The following EHBP1 variants were observed in gnomAD, a reference collection of about 807,000 sequenced individuals.
EHBP1 encodes EH domain-binding protein 1.
Under a neutral mutation model 144.0 loss-of-function variants are expected in EHBP1, and 55 were observed. That is an observed-to-expected ratio of 0.38 (90% confidence interval 0.31 to 0.48). EHBP1 has a LOEUF of 0.48. Among genes scored for constraint, EHBP1 ranks in the 20% least tolerant of loss-of-function variants. The pLI, the probability that EHBP1 is intolerant of heterozygous loss-of-function variation, is 0.98. For missense variants in EHBP1, 1,200 were observed against 1,364.2 expected (o/e 0.88, Z 1.90); for synonymous variants, 469 against 472.7 (o/e 0.99, Z 0.10).
intron 1 of EHBP1, among the ~76,000 whole-genome samples, chr2:62,682,054 T>C (rs750081191): frequency 2.0e-5 from 3 of 152,184 alleles, no homozygotes; most frequent in Non-Finnish European, 4.4e-5. Flanking sequence ...GGGAATACTT[T>C]CTGTAAAAAT....
At chr2:62,812,894 A>G (rs560556976) in intron 5 of EHBP1, among the ~76,000 whole-genome samples, 3 of 152,226 alleles carry the variant, frequency 2.0e-5, no homozygotes, top group Non-Finnish European at 4.4e-5. Context: ...TTGAAGAGTG[A>G]AAAGGCATCT....
At chr2:62,686,504 G>A (rs2033722596) in intron 1 of EHBP1, among the ~76,000 whole-genome samples, 1 of 152,130 alleles carries the variant, frequency 6.6e-6, no homozygotes, top group South Asian at 2.1e-4. Flanking sequence ...CCCACTAAAT[G>A]ATGAATACAT....
intron 7 of EHBP1, among the ~76,000 whole-genome samples, chr2:62,831,657 T>C (rs903594736): frequency 1.3e-5 from 2 of 152,256 alleles, no homozygotes; most frequent in Admixed American, 6.5e-5. Context: ...TACTAAGATG[T>C]TAAGTGGTTA....
chr2:62,930,723 T>C (rs1381309154), intron 10 of EHBP1, among the ~76,000 whole-genome samples: 1 of 152,084 alleles, frequency 6.6e-6, no homozygotes, highest in Non-Finnish European at 1.5e-5. Context: ...CCTCTGCATA[T>C]AATAAGGTCA....
At chr2:62,959,112 A>T (rs1220009117) in intron 14 of EHBP1, among the ~76,000 whole-genome samples, 2 of 152,170 alleles carry the variant, frequency 1.3e-5, no homozygotes, top group East Asian at 3.8e-4. Context: ...GCTTCATATA[A>T]GTGGAATCGC....
chr2:62,942,742 T>C lies in EHBP1; in HGVS notation c.1210T>C (p.Leu404=), dbSNP rs766082909. ...PKPSPIPSPV[L]GRKPNASQSL... ...GCCAAGCCCTATACCAAGTCCTGTTTTGGGGCGAAAGCCAAATGCTAGTCA... is the reference window on the plus strand; with the variant it reads ...GCCAAGCCCTATACCAAGTCCTGTTCTGGGGCGAAAGCCAAATGCTAGTCA... Residue 404 remains leucine, a synonymous_variant, in exon 11 of 23, where the codon TTG becomes CTG. Coordinates refer to ENST00000431489, the MANE Select transcript of EHBP1 (RefSeq NM_001142616.3). 99 of 1,610,068 alleles carry C rather than the reference T, an allele frequency of 6.1e-5. No individual in the cohort carries two copies. The highest frequency in any genetic ancestry group is 8.4e-5 in the Non-Finnish European group (99 of 1,177,550).
intron 5 of EHBP1, among the ~76,000 whole-genome samples, chr2:62,789,441 T>C (rs558266663): frequency 2.4e-4 from 36 of 152,264 alleles, no homozygotes; most frequent in African/African-American, 8.2e-4. Flanking sequence ...TATGTAACAC[T>C]TCTCCACCCA....
intron 5 of EHBP1, among the ~76,000 whole-genome samples, chr2:62,823,460 C>G (rs2046130183): frequency 6.6e-6 from 1 of 152,066 alleles, no homozygotes; most frequent in South Asian, 2.1e-4. Flanking sequence ...TAGTAATTCT[C>G]TCTAAACTCT....
chr2:62,984,195 G>A (rs1028841000), intron 15 of EHBP1, among the ~76,000 whole-genome samples: 3 of 151,996 alleles, frequency 2.0e-5, no homozygotes, highest in African/African-American at 7.3e-5. Context: ...TTCACTTTCT[G>A]TTTAAAAAAT....
At chr2:62,818,480 G>A (rs2045612189) in intron 5 of EHBP1, among the ~76,000 whole-genome samples, 2 of 152,052 alleles carry the variant, frequency 1.3e-5, no homozygotes, top group Admixed American at 1.3e-4. Flanking sequence ...GCTTAGGTGT[G>A]TAGTAGGCTG....
intron 10 of EHBP1, among the ~76,000 whole-genome samples, chr2:62,925,298 G>T (rs1407170018): frequency 6.6e-6 from 1 of 151,850 alleles, no homozygotes; most frequent in Non-Finnish European, 1.5e-5. Context: ...AACAAGACAA[G>T]AGTGTCTACT....
chr2:62,714,429 G>C (rs1454314622), intron 2 of EHBP1, among the ~76,000 whole-genome samples: 1 of 152,142 alleles, frequency 6.6e-6, no homozygotes, highest in Non-Finnish European at 1.5e-5. Context: ...CAGCCTTATA[G>C]AAAGAAACTT....
In EHBP1 at chr2:62,982,348, A is replaced by G. The variant is rs968214751; in HGVS notation, c.2608+3013A>G. On this transcript the variant is annotated intron_variant, in intron 15 of 22. Transcript: ENST00000431489. The stretch of plus-strand genomic sequence containing the variant: ...TGAACTTCCCTTTGCAGTCTTGAAC[A>G]ATATATGAATGAATGAGCCTGGTTG... Among the ~76,000 whole-genome samples, 129 of 152,308 alleles carry G rather than the reference A, an allele frequency of 8.5e-4. 2 individuals are homozygous for G. The highest frequency in any genetic ancestry group is 2.8e-3 in the African/African-American group (118 of 41,570).
At chr2:62,963,793 A>C (rs116425803) in intron 14 of EHBP1, among the ~76,000 whole-genome samples, 1 of 152,218 alleles carries the variant, frequency 6.6e-6, no homozygotes, top group Admixed American at 6.5e-5. Flanking sequence ...GATTTTATTT[A>C]GGAATTTTTA....
intron 14 of EHBP1, among the ~76,000 whole-genome samples, chr2:62,964,338 T>C (rs1055456869): frequency 6.6e-6 from 1 of 152,228 alleles, no homozygotes; most frequent in Non-Finnish European, 1.5e-5. Flanking sequence ...ATAATGGCTG[T>C]GGACATTTTC....
At chr2:63,001,777 TCTGGAGC>T (rs1194956020) in intron 19 of EHBP1, among the ~76,000 whole-genome samples, 4 of 152,162 alleles carry the variant, frequency 2.6e-5, no homozygotes, top group Non-Finnish European at 5.9e-5. Context: ...GTCTGATGGC[TCTGGAGC>T]CTGACTCCCA....
chr2:62,862,710 T>C (rs1483492244), intron 8 of EHBP1, among the ~76,000 whole-genome samples: 1 of 152,222 alleles, frequency 6.6e-6, no homozygotes, highest in Non-Finnish European at 1.5e-5. Context: ...AAACAATTTT[T>C]CTTGAGAATT....
At chr2:62,985,863 C>T (rs187462635) in intron 15 of EHBP1, among the ~76,000 whole-genome samples, 5 of 152,286 alleles carry the variant, frequency 3.3e-5, no homozygotes, top group Non-Finnish European at 5.9e-5. Flanking sequence ...CCAGTAACCC[C>T]CACCATACAT....
At chr2:63,021,457 T>C (rs989486200) in intron 19 of EHBP1, among the ~76,000 whole-genome samples, 3 of 152,186 alleles carry the variant, frequency 2.0e-5, no homozygotes, top group South Asian at 2.1e-4. Flanking sequence ...TTATCTGAAT[T>C]CCTACACTTA....
Sources: gnomAD v4.1 joint callset for allele counts (sites outside exome capture counted in the v4.1 genomes callset) on GRCh38, gnomAD v4.1.1 for gene constraint, MANE v1.5 for transcripts, NCBI Gene and HGNC (gene_info 2026-07-23, HGNC 2026-07-21) for gene names.